Variants in GART observed in about 807,000 individuals in gnomAD.
GART encodes phosphoribosylglycinamide formyltransferase, phosphoribosylglycinamide synthetase, phosphoribosylaminoimidazole synthetase.
In GART, 43 loss-of-function variants were observed where a neutral mutation model predicts 107.2. The observed-to-expected ratio is 0.40, with a 90% CI of 0.31 to 0.52. GART has a LOEUF of 0.52. GART is among the 20% of genes least tolerant of loss of function. The pLI, the probability that GART is intolerant of heterozygous loss-of-function variation, is 0.52. For missense variants in GART, 1,107 were observed against 1,206.5 expected (o/e 0.92, Z 1.22); for synonymous variants, 434 against 427.0 (o/e 1.02, Z -0.20).
At position 33,542,077 on chromosome 21, in the gene GART, G is replaced by GCCACCTGGTTCCCGCTTGC. The variant is rs1243425656; in HGVS notation, c.-73_-55dup. 3 of 152,234 alleles carry GCCACCTGGTTCCCGCTTGC rather than the reference G, an allele frequency of 2.0e-5. No homozygotes were observed. The highest frequency in any genetic ancestry group is 4.4e-5 in the Non-Finnish European group (3 of 68,056). The allele number at this position is 152,234 out of a possible 1,614,324, so 9.4% of individuals were successfully genotyped here. ...GGGGTTTACGCACCGACACCGGGTG[G>GCCACCTGGTTCCCGCTTGC]CCACCTGGTTCCCGCTTGCCCGCTC... On this transcript the variant is annotated 5_prime_UTR_variant, in exon 1 of 22. Coordinates refer to ENST00000381815, the MANE Select transcript of GART (RefSeq NM_000819.5).
At chr21:33,521,111 C>T (rs1435210713) in intron 12 of GART, 96 bp from the exon 13 acceptor site, 32 of 930,706 alleles carry the variant, frequency 3.4e-5, no homozygotes, top group Non-Finnish European at 4.8e-5. Flanking sequence ...GTATATTTAG[C>T]GGCCTGTGAG....
At chr21:33,516,441 A>G in intron 16 of GART, among the ~76,000 whole-genome samples, 1 of 152,160 alleles carries the variant, frequency 6.6e-6, no homozygotes, top group African/African-American at 2.4e-5. Context: ...TATCTTCAGC[A>G]TGACTTCAAC....
intron 13 of GART, 51 bp downstream of exon 13, chr21:33,520,855 A>T: frequency 6.1e-6 from 8 of 1,302,632 alleles, no homozygotes; most frequent in Non-Finnish European, 8.7e-6. Flanking sequence ...ATTTGATATA[A>T]ATTTCCTCAT....
Position 33,524,919 on chromosome 21 carries a change from C to T in GART, c.1148G>A (p.Gly383Glu), listed in dbSNP as rs146343965. ...GGCTGTGACTGCAAGAACTCTACCC[C>T]CATGAGTTACTACTTTGCCATTTTT... is the stretch of plus-strand genomic sequence containing the variant. ...ALKNGKVVTHGGRVLAVTAIR... is the reference protein window; with the variant it reads ...ALKNGKVVTHEGRVLAVTAIR... Residue 383 changes from glycine (G) to glutamate (E), a missense_variant, in exon 11 of 22, where the codon GGG becomes GAG. Gly to Glu is a moderately conservative substitution (Grantham distance 98, BLOSUM62 -2). Coordinates refer to ENST00000381815, the MANE Select transcript of GART (RefSeq NM_000819.5). The T allele has an allele frequency of 3.0e-5, 48 of 1,614,214 alleles. No homozygotes were observed. The highest frequency in any genetic ancestry group is 3.8e-5 in the Non-Finnish European group (45 of 1,180,050).
At chr21:33,505,856 A>C in intron 19 of GART, 118 bp downstream of exon 19, 1 of 1,457,934 alleles carries the variant, frequency 6.9e-7, no homozygotes, top group East Asian at 2.3e-5. Context: ...AGGCAAGCCC[A>C]GCACCCACCC....
At chr21:33,518,815 C>A in intron 14 of GART, 1 of 522,830 alleles carries the variant, frequency 1.9e-6, no homozygotes, top group South Asian at 1.4e-5. Context: ...TTAAACTAGT[C>A]AGATTGTCTG....
upstream of GART, chr21:33,542,514 TA>T (rs970517177): frequency 1.1e-3 from 165 of 145,856 alleles, no homozygotes; most frequent in South Asian, 8.2e-3. Context: ...GGCCTATTGC[TA>T]AAAAAAAAAA....
chr21:33,529,430 A>T (rs1317927819), intron 7 of GART: 2 of 152,184 alleles, frequency 1.3e-5, no homozygotes, highest in Non-Finnish European at 2.9e-5. Flanking sequence ...CTTTTAAAAA[A>T]AATGAAGTTT....
intron 4 of GART, among the ~76,000 whole-genome samples, chr21:33,533,863 C>G (rs896693289): frequency 6.6e-6 from 1 of 151,756 alleles, no homozygotes; most frequent in Non-Finnish European, 1.5e-5. Flanking sequence ...CAAGATCACG[C>G]CACTGCACTC....
At chr21:33,540,772 T>C (rs367567121) in intron 1 of GART, among the ~76,000 whole-genome samples, 2 of 152,118 alleles carry the variant, frequency 1.3e-5, no homozygotes, top group African/African-American at 2.4e-5. Flanking sequence ...TTAAGAAAAA[T>C]GTAAGCTGAC....
intron 2 of GART, among the ~76,000 whole-genome samples, chr21:33,536,276 C>A (rs555222755): frequency 6.6e-6 from 1 of 152,260 alleles, no homozygotes; most frequent in East Asian, 1.9e-4. Flanking sequence ...TCTTCTCCAA[C>A]CTGCAAGTCA....
rs778622594 is a variant in GART at position 33,528,530 on chromosome 21, G to A, written c.886C>T (p.Pro296Ser). 1 of 1,606,702 alleles carries A rather than the reference G, an allele frequency of 6.2e-7. No individual in the cohort carries two copies. The highest frequency in any genetic ancestry group is 8.5e-7 in the Non-Finnish European group (1 of 1,178,002). ...VLEFNCRFGD[P>S]ECQVILPLLK... ...ATATTTTTACCCACTTGGCACTCTG[G>A]ATCACCAAAACGGCAATTAAACTCT... Residue 296 changes from proline (P) to serine (S), a missense_variant, in exon 9 of 22, where the codon CCA becomes TCA. By Grantham distance (74) the Pro-to-Ser change is moderately conservative. Coordinates refer to ENST00000381815, the MANE Select transcript of GART (RefSeq NM_000819.5).
intron 18 of GART, among the ~76,000 whole-genome samples, chr21:33,507,649 G>A (rs781579382): frequency 7.9e-5 from 12 of 152,134 alleles, no homozygotes; most frequent in Non-Finnish European, 1.6e-4. Flanking sequence ...TGGCCAACAT[G>A]ATGAAACCCC....
rs1009660224 is a variant in GART at position 33,522,335 on chromosome 21, T to C, written c.1299-53A>G. The C allele has an allele frequency of 4.7e-6, 6 of 1,269,216 alleles. No homozygotes were observed. In the African/African-American group the frequency reaches 7.4e-5, roughly 16 times the overall value. 78.6% of individuals were successfully genotyped at this position (1,269,216 alleles called of 1,614,324 possible). A position where few individuals can be genotyped will look rare whatever the true frequency, so the allele number is the denominator to read the frequency against. On this transcript the variant is annotated intron_variant, in intron 11 of 21. Transcript: ENST00000381815. The stretch of plus-strand genomic sequence containing the variant: ...TAAACGTCAGGGAAAATTATTTTAA[T>C]CTTAAAATATTATTTAAAGCAGAAG...
chr21:33,517,347 G>A lies in GART; in HGVS notation c.1954+10C>T. ...TCCAAGCAGGACAGTTTAAACATGA[G>A]GGAGTTTACCTAAAGTCTGGTCACC... On this transcript the variant is annotated intron_variant, in intron 15 of 21. Coordinates refer to ENST00000381815, the MANE Select transcript of GART (RefSeq NM_000819.5). 1 of 1,613,914 alleles carries A rather than the reference G, an allele frequency of 6.2e-7. No homozygotes were observed. The highest frequency in any genetic ancestry group is 8.5e-7 in the Non-Finnish European group (1 of 1,180,014).
intron 18 of GART, among the ~76,000 whole-genome samples, chr21:33,508,430 C>T (rs1449340815): frequency 3.3e-5 from 5 of 151,430 alleles, no homozygotes; most frequent in Admixed American, 6.6e-5. Context: ...CTATTACCTA[C>T]ATAGTGAACA....
chr21:33,539,372 C>A lies in GART; in HGVS notation c.-41-16G>T. The stretch of plus-strand genomic sequence containing the variant: ...AAAATGAAACCTGCAGAAAGAAAAC[C>A]ACAGTTTATATCTTAGGATGCACAT... On this transcript the variant is annotated splice_polypyrimidine_tract_variant and intron_variant, in intron 1 of 21. Transcript: ENST00000381815. The A allele has an allele frequency of 6.3e-7, 1 of 1,577,446 alleles. No individual in the cohort carries two copies. The highest frequency in any genetic ancestry group is 1.2e-5 in the South Asian group (1 of 85,788).
chr21:33,519,247 T>C (rs1184359932), intron 14 of GART: 1 of 157,590 alleles, frequency 6.3e-6, no homozygotes, highest in African/African-American at 2.4e-5. Flanking sequence ...CTGGTTTAAA[T>C]GGTCATATAA....
At chr21:33,510,110 A>T in intron 17 of GART, 190 bp from the exon 18 acceptor site, 2 of 567,946 alleles carry the variant, frequency 3.5e-6, no homozygotes, top group East Asian at 3.0e-5. Flanking sequence ...CAAAAGGTGA[A>T]CATATGTAAT....
Sources: gnomAD v4.1 joint callset for allele counts (sites outside exome capture counted in the v4.1 genomes callset) on GRCh38, gnomAD v4.1.1 for gene constraint, MANE v1.5 for transcripts, NCBI Gene and HGNC (gene_info 2026-07-23, HGNC 2026-07-21) for gene names.